The following ZXDC variants were observed in gnomAD, a reference collection of about 807,000 sequenced individuals.
The protein encoded by ZXDC is zinc finger protein ZXDC.
ZXDC carries 58 observed loss-of-function variants against 63.6 expected under a neutral mutation model. The ratio of observed to expected loss-of-function variants is 0.91; its 90% CI spans 0.74 to 1.13. ZXDC has a LOEUF of 1.13. ZXDC is among the 50% of genes most tolerant of loss of function. The probability of loss-of-function intolerance (pLI) is 0.00; values close to 1 mark genes in which losing one functional copy is unlikely to be tolerated. For missense variants in ZXDC, 1,133 were observed against 1,148.9 expected, an observed-to-expected ratio of 0.99 and a Z score of 0.20; for synonymous variants, 561 against 496.1, an observed-to-expected ratio of 1.13 and a Z score of -1.74.
intron 7 of ZXDC, chr3:126,450,145 T>C: frequency 5.6e-6 from 2 of 358,950 alleles, no homozygotes; most frequent in Non-Finnish European, 1.1e-5. Flanking sequence ...GCAAGGGGTC[T>C]GAGACCCTCA....
At chr3:126,467,629 T>C (rs1256383664) in intron 4 of ZXDC, among the ~76,000 whole-genome samples, 1 of 152,190 alleles carries the variant, frequency 6.6e-6, no homozygotes, top group Non-Finnish European at 1.5e-5. Flanking sequence ...CATTTTCTAA[T>C]ACAGCTGCAA....
chr3:126,460,745 T>C (rs1197866967), intron 6 of ZXDC: 3 of 985,140 alleles, frequency 3.0e-6, no homozygotes, highest in African/African-American at 3.5e-5. Context: ...CTGAAAGAAA[T>C]GAAAGGTGGC....
chr3:126,468,972 A>G (rs1416202882), intron 4 of ZXDC, among the ~76,000 whole-genome samples: 1 of 152,214 alleles, frequency 6.6e-6, no homozygotes. Context: ...TCTAACAGCA[A>G]TCACAACAAC....
chr3:126,452,346 T>G, intron 7 of ZXDC: 1 of 985,324 alleles, frequency 1.0e-6, no homozygotes, highest in Non-Finnish European at 1.2e-6. Flanking sequence ...GTGGGAAGAG[T>G]GAGAGGCTTC....
intron 7 of ZXDC, chr3:126,452,206 C>T (rs964077163): frequency 1.9e-5 from 19 of 985,302 alleles, no homozygotes; most frequent in African/African-American, 8.7e-5. Context: ...CACAGCCTTG[C>T]GTGAAGTCTT....
intron 7 of ZXDC, among the ~76,000 whole-genome samples, chr3:126,445,459 T>C (rs1363891519): frequency 6.6e-6 from 1 of 151,988 alleles, no homozygotes; most frequent in Non-Finnish European, 1.5e-5. Context: ...TTCTACAGGA[T>C]GCTTCCCTGA....
At chr3:126,474,189 C>T (rs1174809402) in intron 1 of ZXDC, among the ~76,000 whole-genome samples, 2 of 152,048 alleles carry the variant, frequency 1.3e-5, no homozygotes, top group Non-Finnish European at 2.9e-5. Flanking sequence ...CTCAGCCTCC[C>T]GAGTAGCTGG....
chr3:126,469,610 C>T (rs974257502), intron 4 of ZXDC, among the ~76,000 whole-genome samples: 7 of 152,192 alleles, frequency 4.6e-5, no homozygotes, highest in Admixed American at 2.0e-4. Context: ...AACATGATGA[C>T]ATCATACGCT....
intron 7 of ZXDC, chr3:126,452,650 T>C (rs1359775172): frequency 5.3e-6 from 4 of 754,612 alleles, no homozygotes; most frequent in Non-Finnish European, 6.5e-6. Flanking sequence ...TTGGTCAGAA[T>C]AGTACATTAA....
In ZXDC at chr3:126,441,966, C is replaced by T. The variant is rs368931005; in HGVS notation, c.2213-20G>A. ...AGGCTCCTAAAATGAAATATAAAAACGAGCACACCCAATCTACAATCTACC... is the reference window on the plus strand; with the variant it reads ...AGGCTCCTAAAATGAAATATAAAAATGAGCACACCCAATCTACAATCTACC... On this transcript the variant is annotated intron_variant, in intron 7 of 9. Coordinates refer to ENST00000389709, the MANE Select transcript of ZXDC (RefSeq NM_025112.5). 5.9e-5 allele frequency: 92 copies of T among 1,572,486 alleles called. No homozygotes were observed. In the African/African-American group the frequency reaches 6.8e-4, roughly 12 times the overall value.
At chr3:126,470,871 T>G in intron 4 of ZXDC, 24 bp downstream of exon 4, 1 of 1,613,344 alleles carries the variant, frequency 6.2e-7, no homozygotes, top group South Asian at 1.1e-5. Context: ...AGTTTACTGC[T>G]CAAAGCAATG....
chr3:126,440,796 T>G (rs1006892786), intron 8 of ZXDC: 12 of 986,566 alleles, frequency 1.2e-5, no homozygotes, highest in African/African-American at 3.5e-5. Context: ...GCCTCTTCCC[T>G]GCCCCCTTCC....
rs1402451699 is a variant in ZXDC, at chr3:126,459,634, G to A, written c.2212+19C>T. The A allele has an allele frequency of 3.7e-6, 6 of 1,614,114 alleles. No homozygotes were observed. Among genetic ancestry groups the A allele is most frequent in the Non-Finnish European group, 5.1e-6 (6 of 1,180,020 alleles). ...CCCTCAGGCCCTTGCTCGTCCGGCT[G>A]CAGCACACACGGCCTCACCTGCATT... On this transcript the variant is annotated intron_variant, in intron 7 of 9. Coordinates refer to ENST00000389709, the MANE Select transcript of ZXDC (RefSeq NM_025112.5).
chr3:126,461,861 C>A lies in ZXDC; in HGVS notation c.1801G>T (p.Val601Leu). The change falls in exon 6 of 10, where the codon GTG becomes TTG. Residue 601 changes from valine to leucine, a missense_variant. Transcript: ENST00000389709. ...AATGCTCCTGCACTCACAGTCTGCA[C>A]GTCATCCACACTGAAGCTGCCCTGC... ...LQQGSFSVDD[V>L]QTVSAGALGC... 3 of 1,614,170 alleles carry A rather than the reference C, an allele frequency of 1.9e-6. No individual in the cohort carries two copies. The highest frequency in any genetic ancestry group is 2.5e-6 in the Non-Finnish European group (3 of 1,180,022).
At chr3:126,468,974 C>G (rs773066993) in intron 4 of ZXDC, among the ~76,000 whole-genome samples, 5 of 152,218 alleles carry the variant, frequency 3.3e-5, no homozygotes, top group African/African-American at 4.8e-5. Flanking sequence ...TAACAGCAAT[C>G]ACAACAACGA....
chr3:126,456,009 CA>C (rs367862761), intron 7 of ZXDC, among the ~76,000 whole-genome samples: 7 of 145,530 alleles, frequency 4.8e-5, no homozygotes, highest in Non-Finnish European at 4.5e-5. Context: ...CAAAAAAAAA[CA>C]AAAAAAAAAG....
chr3:126,459,127 G>A, intron 7 of ZXDC: 9 of 985,486 alleles, frequency 9.1e-6, no homozygotes, highest in Non-Finnish European at 9.6e-6. Context: ...AGGAAGGACA[G>A]ATGCTTGAGG....
At chr3:126,453,842 G>A (rs908089874) in intron 7 of ZXDC, 89 of 984,824 alleles carry the variant, frequency 9.0e-5, no homozygotes, top group Non-Finnish European at 1.1e-4. Context: ...TGGGATTACA[G>A]GCATGAGCCA....
rs191544759 is a variant in ZXDC, at chr3:126,455,932, G to A, written c.2212+3721C>T. Among the ~76,000 whole-genome samples, 398 of 152,068 alleles carry A rather than the reference G, an allele frequency of 2.6e-3. 1 individual carries two copies. The highest frequency in any genetic ancestry group is 8.7e-3 in the African/African-American group (361 of 41,504). On this transcript the variant is annotated intron_variant, in intron 7 of 9. Coordinates refer to ENST00000389709, the MANE Select transcript of ZXDC (RefSeq NM_025112.5). The stretch of plus-strand genomic sequence containing the variant: ...GGAGAATGGCGTGAACCTGGGAGGC[G>A]GAGCTTGCAGTGAGCCGAGATCGCG...
Sources: allele counts gnomAD v4.1 joint callset (sites outside exome capture counted in the v4.1 genomes callset), GRCh38; gene constraint gnomAD v4.1.1; transcripts MANE v1.5; gene names NCBI Gene and HGNC (gene_info 2026-07-23, HGNC 2026-07-21).